The following NDE1 variants were observed in gnomAD, a reference collection of about 807,000 sequenced individuals.
The protein encoded by NDE1 is nudE neurodevelopment protein 1, also known as nuclear distribution protein nudE homolog 1.
A neutral mutation model predicts 43.4 loss-of-function variants in NDE1; 28 were observed. The ratio of observed to expected loss-of-function variants is 0.65; its 90% confidence interval spans 0.48 to 0.89. The LOEUF (loss-of-function observed/expected upper bound fraction) is 0.89, where lower values mean the gene tolerates loss of function less well. NDE1 is among the 40% of genes least tolerant of loss of function. NDE1 has a pLI of 0.00. For synonymous variants in NDE1, 184 were observed against 172.0 expected, an observed-to-expected ratio of 1.07 and a Z score of -0.55; for missense variants, 441 against 434.1, an observed-to-expected ratio of 1.02 and a Z score of -0.14.
intron 8 of NDE1, among the ~76,000 whole-genome samples, chr16:15,722,331 T>C (rs2040530219): frequency 6.6e-6 from 1 of 152,236 alleles, no homozygotes; most frequent in African/African-American, 2.4e-5. Flanking sequence ...ATGGTAAGCA[T>C]GGGTGGCCCT....
chr16:15,654,068 T>C (rs1445464114), intron 1 of NDE1, among the ~76,000 whole-genome samples: 1 of 152,136 alleles, frequency 6.6e-6, no homozygotes, highest in Non-Finnish European at 1.5e-5. Flanking sequence ...ATCTCTGTTG[T>C]GCAAAATAGA....
intron 8 of NDE1, chr16:15,704,118 C>T: frequency 6.2e-7 from 1 of 1,614,052 alleles, no homozygotes; most frequent in East Asian, 2.2e-5. Context: ...GGTCTCGTTT[C>T]CTCGCCTGTG....
chr16:15,700,005 G>A, intron 8 of NDE1: 2 of 1,186,726 alleles, frequency 1.7e-6, no homozygotes, highest in Non-Finnish European at 2.1e-6. Context: ...TTGTCCCTGG[G>A]AAATGTCTTT....
At chr16:15,694,455 C>G (rs1217584659) in intron 7 of NDE1, 199 bp downstream of exon 7, 1 of 1,369,356 alleles carries the variant, frequency 7.3e-7, no homozygotes, top group Non-Finnish European at 9.9e-7. Context: ...AAGCGATCCT[C>G]TCACCTTAGC....
chr16:15,678,434 G>A (rs983462079), intron 4 of NDE1, among the ~76,000 whole-genome samples: 2 of 151,906 alleles, frequency 1.3e-5, no homozygotes, highest in South Asian at 2.1e-4. Flanking sequence ...GCGTGATTTC[G>A]GCTCACTACA....
chr16:15,718,193 C>T (rs1295343312), intron 8 of NDE1: 9 of 1,511,176 alleles, frequency 6.0e-6, no homozygotes, highest in Non-Finnish European at 8.1e-6. Flanking sequence ...GCCCCACCAC[C>T]CTCTTGTCCC....
chr16:15,712,143 C>A (rs1247090294), intron 8 of NDE1, among the ~76,000 whole-genome samples: 1 of 152,132 alleles, frequency 6.6e-6, no homozygotes, highest in East Asian at 1.9e-4. Context: ...GAGAGAGGAG[C>A]CAGTTTGGGG....
In NDE1 at chr16:15,725,315, T is replaced by A. The variant is rs2040699736; in HGVS notation, c.*1064T>A. On this transcript the variant is annotated 3_prime_UTR_variant, in exon 9 of 9. Transcript: ENST00000396354. ...AATGGATCCTAGATCCCTGCCAAGG[T>A]TGGTAGAGACAAAGCAGCAGGTCTG... 1 of 565,362 alleles carries A rather than the reference T, an allele frequency of 1.8e-6. No homozygotes were observed. Among genetic ancestry groups the A allele is most frequent in the East Asian group, 3.0e-5 (1 of 33,260 alleles). 35.0% of individuals were successfully genotyped at this position (565,362 alleles called of 1,614,324 possible). A position where few individuals can be genotyped will look rare whatever the true frequency, so the allele number is the denominator to read the frequency against.
intron 1 of NDE1, among the ~76,000 whole-genome samples, chr16:15,661,467 CCTT>C (rs2037042587): frequency 1.3e-5 from 2 of 151,318 alleles, no homozygotes; most frequent in Admixed American, 1.3e-4. Context: ...TTTTGATTGT[CCTT>C]TTTTTTTGAG....
At chr16:15,651,149 G>A (rs974134364) in intron 1 of NDE1, among the ~76,000 whole-genome samples, 2 of 152,156 alleles carry the variant, frequency 1.3e-5, no homozygotes, top group South Asian at 4.1e-4. Context: ...CCTCCTGAGG[G>A]CCTGAGCTTC....
Position 15,717,238 on chromosome 16 carries a change from G to T in NDE1, c.948-6953G>T, listed in dbSNP as rs746211825. ...TGGACTTGACGGCCCCCTCCATCTCGTGGAGCTTGCTCCGGAGCTCCTTGT... is the reference window on the plus strand; with the variant it reads ...TGGACTTGACGGCCCCCTCCATCTCTTGGAGCTTGCTCCGGAGCTCCTTGT... On this transcript the variant is annotated intron_variant, in intron 8 of 8. Coordinates refer to ENST00000396354, the MANE Select transcript of NDE1 (RefSeq NM_017668.3). 9.3e-6 allele frequency: 15 copies of T among 1,614,142 alleles called. No individual in the cohort carries two copies. Among genetic ancestry groups the T allele is most frequent in the Non-Finnish European group, 1.2e-5 (14 of 1,180,026 alleles).
Position 15,715,119 on chromosome 16 carries a change from G to A in NDE1, c.948-9072G>A, listed in dbSNP as rs200323249. 2,983 of 1,612,040 alleles carry A rather than the reference G, an allele frequency of 1.9e-3. 4 individuals carry two copies. The highest frequency in any genetic ancestry group is 2.1e-3 in the South Asian group (192 of 91,060). On this transcript the variant is annotated intron_variant, in intron 8 of 8. Coordinates refer to ENST00000396354, the MANE Select transcript of NDE1 (RefSeq NM_017668.3). ...GTTGGAGGGGTGGTTAGGGGAGGCC[G>A]GCTGGGGGCTGGGGGCTCGAGGGAG...
chr16:15,679,326 T>G (rs1311807347), intron 4 of NDE1, among the ~76,000 whole-genome samples: 1 of 152,122 alleles, frequency 6.6e-6, no homozygotes, highest in African/African-American at 2.4e-5. Context: ...TGCCTCATTC[T>G]TTTTCTCCTG....
chr16:15,707,897 A>G (rs898931029), intron 8 of NDE1, among the ~76,000 whole-genome samples: 8 of 147,992 alleles, frequency 5.4e-5, no homozygotes, highest in African/African-American at 2.0e-4. Context: ...GCTTGAACCC[A>G]GGAGGCAAAG....
intron 2 of NDE1, among the ~76,000 whole-genome samples, chr16:15,665,798 C>T (rs1477354746): frequency 6.6e-6 from 1 of 151,354 alleles, no homozygotes; most frequent in Non-Finnish European, 1.5e-5. Flanking sequence ...CTCTTCTTGC[C>T]CAGGCTGTAG....
In NDE1 at chr16:15,725,822, A is replaced by G. The variant is rs564847648; in HGVS notation, c.*1571A>G. 3.4e-4 allele frequency: 134 copies of G among 397,532 alleles called. 1 individual carries two copies. In the South Asian group the frequency reaches 7.3e-3, roughly 22 times the overall value. The allele number at this position is 397,532 out of a possible 1,614,324, so 24.6% of individuals were successfully genotyped here. On this transcript the variant is annotated 3_prime_UTR_variant, in exon 9 of 9. Coordinates refer to ENST00000396354, the MANE Select transcript of NDE1 (RefSeq NM_017668.3). ...AAAGAAGACCAAAGACAAAAAGACCATGTCATTCAGCAGCTTAAAACCCCT... is the reference window on the plus strand; with the variant it reads ...AAAGAAGACCAAAGACAAAAAGACCGTGTCATTCAGCAGCTTAAAACCCCT...
chr16:15,708,803 C>T (rs772484878), intron 8 of NDE1: 1 of 1,607,856 alleles, frequency 6.2e-7, no homozygotes, highest in South Asian at 1.1e-5. Flanking sequence ...GGCATGATAC[C>T]TGGTGCATCA....
Position 15,724,403 on chromosome 16 carries a change from C to T in NDE1, c.*152C>T, listed in dbSNP as rs143467011. On this transcript the variant is annotated 3_prime_UTR_variant, in exon 9 of 9. Transcript: ENST00000396354. ...AAGTCCTGCAGCTTCTTCTTCGAGT[C>T]GGAGAGCTACAAGGACAGCGTCCAG... The T allele has an allele frequency of 1.9e-5, 30 of 1,613,670 alleles. No individual in the cohort carries two copies. The highest frequency in any genetic ancestry group is 4.5e-5 in the East Asian group (2 of 44,884).
chr16:15,715,332 G>A, intron 8 of NDE1: 2 of 1,548,038 alleles, frequency 1.3e-6, no homozygotes, highest in Non-Finnish European at 1.8e-6. Flanking sequence ...TGTAGCTGGT[G>A]TGTCACCTGG....
Sources: gnomAD v4.1 joint callset for allele counts (sites outside exome capture counted in the v4.1 genomes callset) on GRCh38, gnomAD v4.1.1 for gene constraint, MANE v1.5 for transcripts, NCBI Gene and HGNC (gene_info 2026-07-23, HGNC 2026-07-21) for gene names.